The following RCBTB1 variants were observed in gnomAD, a reference collection of about 807,000 sequenced individuals.
RCBTB1 encodes RCC1 and BTB domain-containing protein 1.
RCBTB1 carries 46 observed loss-of-function variants against 62.4 expected under a neutral mutation model. That is an observed-to-expected ratio of 0.74 (90% CI 0.58 to 0.94). RCBTB1 has a LOEUF of 0.94. Ranked by LOEUF, RCBTB1 falls within the 40% of genes least tolerant of loss-of-function variation. The pLI, the probability that RCBTB1 is intolerant of heterozygous loss-of-function variation, is 0.00. For synonymous variants in RCBTB1, 222 were observed against 245.8 expected (o/e 0.90, Z 0.91); for missense variants, 565 against 654.9 (o/e 0.86, Z 1.50).
chr13:49,552,401 T>C, intron 6 of RCBTB1, 116 bp from the exon 7 acceptor site: 1 of 609,092 alleles, frequency 1.6e-6, no homozygotes. Flanking sequence ...TATTCTACTC[T>C]ATGCTCCTGC....
intron 9 of RCBTB1, among the ~76,000 whole-genome samples, chr13:49,547,678 A>G (rs1270147263): frequency 1.3e-5 from 2 of 152,346 alleles, no homozygotes; most frequent in Non-Finnish European, 2.9e-5. Context: ...ACTACCCTTT[A>G]TAATACCTCT....
chr13:49,560,522 G>T (rs1021024142), intron 4 of RCBTB1, among the ~76,000 whole-genome samples: 1 of 152,136 alleles, frequency 6.6e-6, no homozygotes, highest in Non-Finnish European at 1.5e-5. Flanking sequence ...AAGTATAGGG[G>T]AAAGAGATAG....
chr13:49,551,107 G>A (rs958108042), intron 8 of RCBTB1: 12 of 463,830 alleles, frequency 2.6e-5, no homozygotes, highest in African/African-American at 2.2e-4. Context: ...TCAAAAAAGG[G>A]AAGGGAAGGG....
rs1175364764 is a variant in RCBTB1 at position 49,547,255 on chromosome 13, T to C, written c.1045+2203A>G. The C allele has an allele frequency of 3.6e-6, 4 of 1,103,624 alleles. No homozygotes were observed. The African/African-American group carries it at 4.9e-5, about 14-fold the overall frequency. 68.4% of individuals were successfully genotyped at this position (1,103,624 alleles called of 1,614,324 possible). On this transcript the variant is annotated intron_variant, in intron 9 of 12. Transcript: ENST00000378302. ...AGGGAGTATTCAATTGGTTTCACTT[T>C]AAGGCAAGCTTAACTCTTCCTAAGC...
intron 1 of RCBTB1, among the ~76,000 whole-genome samples, 182 bp downstream of exon 1, chr13:49,585,262 C>G (rs1324711346): frequency 1.3e-5 from 2 of 152,140 alleles, no homozygotes; most frequent in African/African-American, 4.8e-5. Flanking sequence ...GGGGCCGGGC[C>G]GGGGACCCCA....
intron 1 of RCBTB1, among the ~76,000 whole-genome samples, chr13:49,582,694 A>G (rs1964174498): frequency 6.6e-6 from 1 of 152,178 alleles, no homozygotes; most frequent in South Asian, 2.1e-4. Flanking sequence ...CCCACCGGCA[A>G]TGTACAACAG....
chr13:49,581,302 A>G (rs987135868), intron 1 of RCBTB1, among the ~76,000 whole-genome samples: 26 of 152,132 alleles, frequency 1.7e-4, no homozygotes, highest in African/African-American at 6.0e-4. Context: ...AAGAAGGAAA[A>G]TCAAGAAGAT....
intron 12 of RCBTB1, among the ~76,000 whole-genome samples, chr13:49,536,309 T>TG (rs1365722742): frequency 6.6e-6 from 1 of 152,196 alleles, no homozygotes; most frequent in Non-Finnish European, 1.5e-5. Flanking sequence ...CCTGAACGCA[T>TG]GTGGTGAGGG....
intron 4 of RCBTB1, among the ~76,000 whole-genome samples, chr13:49,563,946 C>G (rs1021874470): frequency 1.3e-5 from 2 of 152,210 alleles, no homozygotes; most frequent in Non-Finnish European, 2.9e-5. Flanking sequence ...CAAATCATCT[C>G]CCAAATGCCA....
chr13:49,533,964 C>T lies in RCBTB1; in HGVS notation c.*158G>A. 1.5e-6 allele frequency: 1 copy of T among 661,186 alleles called. No homozygotes were observed. Among genetic ancestry groups the T allele is most frequent in the African/African-American group, 1.8e-5 (1 of 54,860 alleles). 41.0% of individuals were successfully genotyped at this position (661,186 alleles called of 1,614,324 possible). A position where few individuals can be genotyped will look rare whatever the true frequency, so the allele number is the denominator to read the frequency against. ...AATGGGCTCAAGAAAAGCCGTACAC[C>T]CTTGTTATGTTCCTACACAAACAAC... On this transcript the variant is annotated 3_prime_UTR_variant, in exon 13 of 13. Transcript: ENST00000378302.
intron 7 of RCBTB1, among the ~76,000 whole-genome samples, chr13:49,551,799 A>C (rs6420300): frequency 0.83 from 126,017 of 151,554 alleles, 52,486 homozygotes; most frequent in East Asian, 0.9. Context: ...ACTCGGGAGG[A>C]TGAGGCAGGA....
chr13:49,558,936 TTC>T (rs1463566481), intron 5 of RCBTB1, among the ~76,000 whole-genome samples: 6 of 152,202 alleles, frequency 3.9e-5, no homozygotes, highest in Admixed American at 6.5e-5. Flanking sequence ...GGGTAAATAA[TTC>T]TCTTATTGCT....
intron 2 of RCBTB1, among the ~76,000 whole-genome samples, chr13:49,579,707 A>G (rs370058321): frequency 1.3e-5 from 2 of 152,116 alleles, no homozygotes; most frequent in South Asian, 4.1e-4. Context: ...GCCTTCTCCC[A>G]AAGTAGTTTG....
chr13:49,555,812 C>T lies in RCBTB1; in HGVS notation c.445-139G>A, dbSNP rs1961812471. On this transcript the variant is annotated intron_variant, in intron 5 of 12. Coordinates refer to ENST00000378302, the MANE Select transcript of RCBTB1 (RefSeq NM_018191.4). ...TAAACGGTTCTATATGCTTTACACA[C>T]ATTAACCTATTTAACCTGCCTAGTA... The T allele has an allele frequency of 1.2e-5, 8 of 648,574 alleles. No individual in the cohort carries two copies. The South Asian group carries it at 1.8e-4, about 14-fold the overall frequency. 40.2% of individuals were successfully genotyped at this position (648,574 alleles called of 1,614,324 possible).
intron 2 of RCBTB1, among the ~76,000 whole-genome samples, chr13:49,573,786 TC>T (rs1963576788): frequency 1.7e-5 from 2 of 115,222 alleles, no homozygotes; most frequent in African/African-American, 7.8e-5. Flanking sequence ...CAAATTTCTC[TC>T]TTTTTTTTTT....
chr13:49,546,638 G>A (rs1960806322), intron 9 of RCBTB1, among the ~76,000 whole-genome samples: 1 of 152,250 alleles, frequency 6.6e-6, no homozygotes, highest in African/African-American at 2.4e-5. Context: ...ATGGGAGACA[G>A]TGACAGATCA....
intron 1 of RCBTB1, among the ~76,000 whole-genome samples, chr13:49,584,840 T>C (rs755781987): frequency 6.6e-6 from 1 of 152,176 alleles, no homozygotes; most frequent in African/African-American, 2.4e-5. Flanking sequence ...GAACACAGCG[T>C]GCTCGATAGT....
At chr13:49,546,814 A>C (rs746831849) in intron 9 of RCBTB1, 1 of 270,254 alleles carries the variant, frequency 3.7e-6, no homozygotes, top group Non-Finnish European at 5.7e-6. Flanking sequence ...AATACAGATG[A>C]AGCTTCGCTC....
chr13:49,536,136 C>T (rs1185968387), intron 12 of RCBTB1, among the ~76,000 whole-genome samples: 1 of 152,146 alleles, frequency 6.6e-6, no homozygotes, highest in African/African-American at 2.4e-5. Context: ...CCTTCCCTTC[C>T]CCTCCAATTA....
Sources: allele counts gnomAD v4.1 joint callset (sites outside exome capture counted in the v4.1 genomes callset), GRCh38; gene constraint gnomAD v4.1.1; transcripts MANE v1.5; gene names NCBI Gene and HGNC (gene_info 2026-07-23, HGNC 2026-07-21).